FHL2: variants seen among roughly 807,000 people sequenced by gnomAD.
FHL2 encodes four and a half LIM domains protein 2.
FHL2 carries 20 observed loss-of-function variants against 32.7 expected under a neutral mutation model. The ratio of observed to expected loss-of-function variants is 0.61; its 90% CI spans 0.43 to 0.89. FHL2 has a LOEUF of 0.89. FHL2 is among the 40% of genes least tolerant of loss of function. The pLI, the probability that FHL2 is intolerant of heterozygous loss-of-function variation, is 0.00. For synonymous variants in FHL2, 123 were observed against 128.1 expected (o/e 0.96, Z 0.27); for missense variants, 311 against 358.6 (o/e 0.87, Z 1.07).
chr2:105,363,403 G>T lies in FHL2; in HGVS notation c.570C>A (p.Ala190=). Reference sequence around the variant, plus strand: ...GCTGCCCAGACAGCTGCTTCCTGCAGGCGGTGCACACGAAGCACTCCTTGT... The same window carrying T: ...GCTGCCCAGACAGCTGCTTCCTGCATGCGGTGCACACGAAGCACTCCTTGT... The part of the protein sequence containing the change: ...PWHKECFVCT[A]CRKQLSGQRF... Residue 190 remains alanine (A), a synonymous_variant, in exon 6 of 7, where the codon GCC becomes GCA. Coordinates refer to ENST00000530340, the MANE Select transcript of FHL2 (RefSeq NM_001318895.3). The T allele has an allele frequency of 6.2e-7, 1 of 1,613,718 alleles. No individual in the cohort carries two copies. Among genetic ancestry groups the T allele is most frequent in the South Asian group, 1.1e-5 (1 of 90,918 alleles).
intron 1 of FHL2, among the ~76,000 whole-genome samples, chr2:105,414,471 C>T (rs867958005): frequency 3.3e-5 from 5 of 152,224 alleles, no homozygotes; most frequent in East Asian, 1.9e-4. Context: ...AGCTAGGACC[C>T]GCCCCCCCTC....
chr2:105,399,436 A>T, upstream of FHL2: 1 of 1,536,102 alleles, frequency 6.5e-7, no homozygotes, highest in Non-Finnish European at 8.7e-7. Flanking sequence ...CGGAGGGAGG[A>T]GGGGGTCACT....
chr2:105,410,291 C>G (rs1012762837), intron 1 of FHL2, among the ~76,000 whole-genome samples: 3 of 152,228 alleles, frequency 2.0e-5, no homozygotes, highest in African/African-American at 7.2e-5. Flanking sequence ...AGTTGCTTCA[C>G]CTTCTAGTGG....
chr2:105,370,975 G>A (rs1471202095), intron 4 of FHL2, among the ~76,000 whole-genome samples: 1 of 152,184 alleles, frequency 6.6e-6, no homozygotes, highest in African/African-American at 2.4e-5. Flanking sequence ...TCTTACCACA[G>A]AGCCTGAATT....
chr2:105,374,833 C>T (rs1382482159), intron 3 of FHL2, among the ~76,000 whole-genome samples: 1 of 152,200 alleles, frequency 6.6e-6, no homozygotes, highest in Non-Finnish European at 1.5e-5. Context: ...GTTCCCAGCT[C>T]TGACCCCAAA....
At chr2:105,410,226 A>C (rs1449675955) in intron 1 of FHL2, among the ~76,000 whole-genome samples, 2 of 152,256 alleles carry the variant, frequency 1.3e-5, no homozygotes, top group African/African-American at 4.8e-5. Context: ...CCGGAGAGGC[A>C]GCTTGCCAGC....
chr2:105,416,893 T>A (rs1308928658), intron 1 of FHL2, among the ~76,000 whole-genome samples: 1 of 152,214 alleles, frequency 6.6e-6, no homozygotes, highest in Admixed American at 6.5e-5. Context: ...TCTGCATTTT[T>A]GGGAAAATAT....
intron 2 of FHL2, among the ~76,000 whole-genome samples, chr2:105,387,043 G>A (rs191329874): frequency 6.6e-6 from 1 of 152,194 alleles, no homozygotes; most frequent in Non-Finnish European, 1.5e-5. Flanking sequence ...GAGATTACAG[G>A]CGTGAGCCAT....
intron 1 of FHL2, among the ~76,000 whole-genome samples, chr2:105,421,725 T>C (rs1006083911): frequency 9.9e-5 from 15 of 152,232 alleles, no homozygotes; most frequent in African/African-American, 3.4e-4. Flanking sequence ...ATGGCTTGCA[T>C]TGACCAAGAG....
At chr2:105,425,397 A>G (rs1684229598) in intron 1 of FHL2, among the ~76,000 whole-genome samples, 1 of 152,182 alleles carries the variant, frequency 6.6e-6, no homozygotes, top group Admixed American at 6.5e-5. Context: ...GTATTGTCCA[A>G]GGTTTCTCCC....
chr2:105,433,635 C>T (rs1425286667), intron 1 of FHL2, among the ~76,000 whole-genome samples: 1 of 152,112 alleles, frequency 6.6e-6, no homozygotes, highest in Non-Finnish European at 1.5e-5. Flanking sequence ...TCGGCGTCCT[C>T]ACCTGTAAAC....
At position 105,398,933 on chromosome 2, in the gene FHL2, G is replaced by A; in HGVS notation, c.-167C>T. On this transcript the variant is annotated 5_prime_UTR_variant, in exon 1 of 7. Coordinates refer to ENST00000530340, the MANE Select transcript of FHL2 (RefSeq NM_001318895.3). ...CGAGCCCTGGTGGCTAAGCCCCTCG[G>A]CCTCCCTCCGGGGCGCAGGGGGTTG... 6.5e-7 allele frequency: 1 copy of A among 1,536,634 alleles called. No individual in the cohort carries two copies. Among genetic ancestry groups the A allele is most frequent in the Non-Finnish European group, 8.7e-7 (1 of 1,145,062 alleles).
chr2:105,397,237 G>C (rs1327107815), intron 1 of FHL2, among the ~76,000 whole-genome samples: 1 of 152,020 alleles, frequency 6.6e-6, no homozygotes, highest in Admixed American at 6.6e-5. Flanking sequence ...AGCTGCCTGG[G>C]GTCAGATCTC....
chr2:105,361,125 G>A lies in FHL2; in HGVS notation c.*158C>T. ...TTCCCTGGGACTGAACTATCACAAA[G>A]CACTAAAGGGTTTAAGCAAACGTGA... On this transcript the variant is annotated 3_prime_UTR_variant, in exon 7 of 7. Coordinates refer to ENST00000530340, the MANE Select transcript of FHL2 (RefSeq NM_001318895.3). The A allele has an allele frequency of 1.5e-6, 1 of 688,820 alleles. No individual in the cohort carries two copies. The highest frequency in any genetic ancestry group is 2.4e-6 in the Non-Finnish European group (1 of 418,866). 42.7% of individuals were successfully genotyped at this position (688,820 alleles called of 1,614,324 possible).
At chr2:105,385,363 A>G (rs1406695651) in intron 3 of FHL2, among the ~76,000 whole-genome samples, 1 of 152,248 alleles carries the variant, frequency 6.6e-6, no homozygotes, top group Non-Finnish European at 1.5e-5. Context: ...TGGATGTGCT[A>G]GAATGATCCA....
chr2:105,374,156 C>T (rs1681298227), intron 3 of FHL2: 4 of 249,906 alleles, frequency 1.6e-5, no homozygotes, highest in Admixed American at 5.1e-5. Context: ...CTGTGGTCAC[C>T]GGCATGGCAG....
rs554957056 is a variant in FHL2 at position 105,391,201 on chromosome 2, C to T, written c.-24-4661G>A. Among the ~76,000 whole-genome samples, 96 of 152,126 alleles carry T rather than the reference C, an allele frequency of 6.3e-4. 1 individual carries two copies. The highest frequency in any genetic ancestry group is 2.1e-3 in the African/African-American group (89 of 41,484). Reference sequence around the variant, plus strand: ...CATTGGTTGAGCTGGAACTATGTGTCTAAAGTCATGAAAAGTGCAGAAGAT... The same window carrying T: ...CATTGGTTGAGCTGGAACTATGTGTTTAAAGTCATGAAAAGTGCAGAAGAT... On this transcript the variant is annotated intron_variant, in intron 2 of 6. Coordinates refer to ENST00000530340, the MANE Select transcript of FHL2 (RefSeq NM_001318895.3).
chr2:105,399,245 C>T, upstream of FHL2: 1 of 1,535,272 alleles, frequency 6.5e-7, no homozygotes, highest in Non-Finnish European at 8.7e-7. Context: ...GGGCTCCTTT[C>T]TTCGTGCCCT....
upstream of FHL2, chr2:105,399,208 G>C: frequency 6.6e-7 from 1 of 1,517,186 alleles, no homozygotes; most frequent in South Asian, 1.2e-5. Flanking sequence ...GGCTGCGGCG[G>C]TCCCGGCCCG....
Sources: gnomAD v4.1 joint callset for allele counts (sites outside exome capture counted in the v4.1 genomes callset) on GRCh38, gnomAD v4.1.1 for gene constraint, MANE v1.5 for transcripts, NCBI Gene and HGNC (gene_info 2026-07-23, HGNC 2026-07-21) for gene names.